The following MMP26 variants were observed in gnomAD, a reference collection of about 807,000 sequenced individuals.
MMP26 encodes matrix metalloproteinase-26.
In MMP26, 33 loss-of-function variants were observed where a neutral mutation model predicts 31.0. The ratio of observed to expected loss-of-function variants is 1.06; its 90% CI spans 0.81 to 1.42. The LOEUF is 1.42. Among genes scored for constraint, MMP26 ranks in the 40% most tolerant of loss-of-function variants. The pLI, the probability that MMP26 is intolerant of heterozygous loss-of-function variation, is 0.00. For synonymous variants in MMP26, 122 were observed against 114.9 expected, an observed-to-expected ratio of 1.06 and a Z score of -0.40; for missense variants, 347 against 316.1, an observed-to-expected ratio of 1.10 and a Z score of -0.74.
chr11:4,769,880 G>T, intron 2 of MMP26: 2 of 1,612,428 alleles, frequency 1.2e-6, no homozygotes, highest in Non-Finnish European at 8.5e-7. Context: ...CAACAAGAAG[G>T]TTGGAAATTT....
chr11:4,921,534 T>G (rs986652719), intron 2 of MMP26, among the ~76,000 whole-genome samples: 6 of 152,242 alleles, frequency 3.9e-5, no homozygotes, highest in Admixed American at 2.0e-4. Flanking sequence ...GTTTCTAATT[T>G]GGGACACATA....
chr11:4,782,597 A>G (rs1246737446), intron 2 of MMP26, among the ~76,000 whole-genome samples: 2 of 152,210 alleles, frequency 1.3e-5, no homozygotes, highest in Non-Finnish European at 1.5e-5. Flanking sequence ...AGCTGCACAA[A>G]TTTGCATAAG....
chr11:4,940,761 T>G (rs1411671369), intron 2 of MMP26, among the ~76,000 whole-genome samples: 1 of 152,160 alleles, frequency 6.6e-6, no homozygotes, highest in Non-Finnish European at 1.5e-5. Flanking sequence ...TGATCAGAAG[T>G]TGGGGGTCAT....
At chr11:4,900,609 G>C (rs1850786421) in intron 2 of MMP26, among the ~76,000 whole-genome samples, 1 of 152,140 alleles carries the variant, frequency 6.6e-6, no homozygotes, top group Non-Finnish European at 1.5e-5. Flanking sequence ...GATATAAATT[G>C]TCAGGTCCAC....
intron 2 of MMP26, among the ~76,000 whole-genome samples, chr11:4,963,355 G>T (rs1846547057): frequency 6.6e-6 from 1 of 152,126 alleles, no homozygotes; most frequent in African/African-American, 2.4e-5. Context: ...AGCTACCATT[G>T]ACTTTCTTCA....
At chr11:4,808,646 C>T (rs1849309527) in intron 2 of MMP26, among the ~76,000 whole-genome samples, 1 of 152,074 alleles carries the variant, frequency 6.6e-6, no homozygotes. Context: ...CCCATTCACT[C>T]ATACTTCTGA....
chr11:4,983,086 C>G (rs1049098853), intron 2 of MMP26, among the ~76,000 whole-genome samples: 1 of 152,186 alleles, frequency 6.6e-6, no homozygotes, highest in African/African-American at 2.4e-5. Context: ...TCTTAATAGC[C>G]TTTGCACACC....
intron 2 of MMP26, among the ~76,000 whole-genome samples, chr11:4,897,813 G>A (rs1850733271): frequency 6.6e-6 from 1 of 150,962 alleles, no homozygotes; most frequent in South Asian, 2.1e-4. Flanking sequence ...TATCCTGTAT[G>A]TAATTATTAA....
At chr11:4,785,757 A>G (rs977185697) in intron 2 of MMP26, among the ~76,000 whole-genome samples, 1 of 152,220 alleles carries the variant, frequency 6.6e-6, no homozygotes, top group Non-Finnish European at 1.5e-5. Context: ...GATAACTATA[A>G]TTAAGCACCA....
chr11:4,963,726 T>A (rs1846552600), intron 2 of MMP26, among the ~76,000 whole-genome samples: 1 of 152,176 alleles, frequency 6.6e-6, no homozygotes, highest in African/African-American at 2.4e-5. Flanking sequence ...ATTTACACTC[T>A]TACCAATGGT....
At chr11:4,765,449 A>G (rs1171629454) in intron 1 of MMP26, among the ~76,000 whole-genome samples, 5 of 152,196 alleles carry the variant, frequency 3.3e-5, no homozygotes, top group Non-Finnish European at 7.3e-5. Context: ...TTCTTTTTGT[A>G]GTAAATGTTA....
In MMP26 at chr11:4,844,393, G is replaced by A. The variant is rs1039432976; in HGVS notation, c.-145+77052G>A. Among the ~76,000 whole-genome samples, 3 of 151,994 alleles carry A rather than the reference G, an allele frequency of 2.0e-5. No homozygotes were observed. In the East Asian group the frequency reaches 5.8e-4, roughly 29 times the overall value. On this transcript the variant is annotated intron_variant, in intron 2 of 7. Transcript: ENST00000380390. The stretch of plus-strand genomic sequence containing the variant: ...ACTATTCCAAAATATGGAAGAGGAA[G>A]GAATACTTCCACACTCATTCTATGA...
At chr11:4,861,581 A>T (rs1850160661) in intron 2 of MMP26, among the ~76,000 whole-genome samples, 1 of 151,998 alleles carries the variant, frequency 6.6e-6, no homozygotes, top group Non-Finnish European at 1.5e-5. Flanking sequence ...ACATTATTGG[A>T]TGAAATTATT....
intron 2 of MMP26, among the ~76,000 whole-genome samples, chr11:4,771,591 G>A (rs1589896050): frequency 1.3e-5 from 2 of 152,132 alleles, no homozygotes; most frequent in East Asian, 1.9e-4. Flanking sequence ...ATCAATTCTG[G>A]GGAGAATTAA....
intron 2 of MMP26, among the ~76,000 whole-genome samples, chr11:4,980,129 G>T (rs768479898): frequency 1.1e-4 from 17 of 152,008 alleles, no homozygotes; most frequent in Admixed American, 7.9e-4. Flanking sequence ...CCCCAGAGAG[G>T]ATTATTCCAG....
chr11:4,806,980 G>T (rs531446469), intron 2 of MMP26, among the ~76,000 whole-genome samples: 1 of 152,192 alleles, frequency 6.6e-6, no homozygotes, highest in African/African-American at 2.4e-5. Context: ...ACCTTGAAAT[G>T]CATACCCAGA....
intron 4 of MMP26, 106 bp from the exon 5 acceptor site, chr11:4,990,492 T>A: frequency 8.9e-7 from 1 of 1,120,060 alleles, no homozygotes; most frequent in Non-Finnish European, 1.2e-6. Flanking sequence ...CCAAAATGAG[T>A]CCTAAAACTA....
At chr11:4,908,517 C>T (rs1447588524) in intron 2 of MMP26, 4 of 577,358 alleles carry the variant, frequency 6.9e-6, no homozygotes, top group South Asian at 2.1e-5. Context: ...GTTTAATTAA[C>T]ATTTTAAGGG....
chr11:4,772,661 A>G (rs1188196341), intron 2 of MMP26, among the ~76,000 whole-genome samples: 4 of 152,156 alleles, frequency 2.6e-5, no homozygotes, highest in African/African-American at 4.8e-5. Context: ...CAAGCACCTG[A>G]TTATTGAGAG....
Sources: gnomAD v4.1 joint callset for allele counts (sites outside exome capture counted in the v4.1 genomes callset) on GRCh38, gnomAD v4.1.1 for gene constraint, MANE v1.5 for transcripts, NCBI Gene and HGNC (gene_info 2026-07-23, HGNC 2026-07-21) for gene names.